LOXHD1: variants seen among roughly 807,000 people sequenced by gnomAD.
LOXHD1 encodes the protein lipoxygenase homology domain-containing protein 1.
Under a neutral mutation model 248.2 loss-of-function variants are expected in LOXHD1, and 205 were observed. The ratio of observed to expected loss-of-function variants is 0.83; its 90% CI spans 0.74 to 0.93. LOXHD1 has a LOEUF of 0.93. Ranked by LOEUF, LOXHD1 falls within the 40% of genes least tolerant of loss-of-function variation. The probability of loss-of-function intolerance (pLI) is 0.00; values close to 1 mark genes in which losing one functional copy is unlikely to be tolerated. For missense variants in LOXHD1, 2,930 were observed against 2,971.6 expected, an observed-to-expected ratio of 0.99 and a Z score of 0.33; for synonymous variants, 1,113 against 1,162.8, an observed-to-expected ratio of 0.96 and a Z score of 0.87.
At chr18:46,586,487 C>T (rs1225930117) in intron 12 of LOXHD1, among the ~76,000 whole-genome samples, 2 of 151,988 alleles carry the variant, frequency 1.3e-5, no homozygotes, top group East Asian at 1.9e-4. Context: ...TTCTTGTTGC[C>T]CAGGCTGGAG....
intron 29 of LOXHD1, among the ~76,000 whole-genome samples, chr18:46,525,274 C>T (rs981643406): frequency 3.0e-4 from 46 of 152,176 alleles, no homozygotes; most frequent in African/African-American, 1.1e-3. Flanking sequence ...TGGTCCTGTT[C>T]CCAGACTCCT....
At chr18:46,491,809 A>G (rs111943398) in intron 37 of LOXHD1, among the ~76,000 whole-genome samples, 8,622 of 152,282 alleles carry the variant, frequency 0.057, 356 homozygotes, top group Non-Finnish European at 0.083. Context: ...CATATAATTC[A>G]TTGCCCCCAC....
At chr18:46,569,334 G>T in intron 16 of LOXHD1, 108 bp downstream of exon 16, 1 of 929,426 alleles carries the variant, frequency 1.1e-6, no homozygotes, top group Non-Finnish European at 1.7e-6. Flanking sequence ...ATGTACATGA[G>T]TGTGTGCGTG....
intron 34 of LOXHD1, among the ~76,000 whole-genome samples, chr18:46,513,491 T>C (rs2035084045): frequency 1.3e-5 from 2 of 151,718 alleles, no homozygotes; most frequent in East Asian, 1.9e-4. Context: ...AGAGTCCTTA[T>C]AAGAAGGCAG....
In LOXHD1 at chr18:46,507,461, C is replaced by T. The variant is rs991193574; in HGVS notation, c.5692+77G>A. 28 of 1,514,446 alleles carry T rather than the reference C, an allele frequency of 1.8e-5. No homozygotes were observed. The Admixed American group carries it at 3.0e-4, about 16-fold the overall frequency. The allele number at this position is 1,514,446 out of a possible 1,614,324, so 93.8% of individuals were successfully genotyped here. A position where few individuals can be genotyped will look rare whatever the true frequency, so the allele number is the denominator to read the frequency against. Reference sequence around the variant, plus strand: ...GCCTTATGAAGAAAAATGCCCTGACCAGAAACAAGGGCCTGAGCCCGAATT... The same window carrying T: ...GCCTTATGAAGAAAAATGCCCTGACTAGAAACAAGGGCCTGAGCCCGAATT... On this transcript the variant is annotated intron_variant, in intron 36 of 40. Coordinates refer to ENST00000642948, the MANE Select transcript of LOXHD1 (RefSeq NM_001384474.1).
chr18:46,617,778 C>T (rs987994489), intron 5 of LOXHD1, among the ~76,000 whole-genome samples: 10 of 152,144 alleles, frequency 6.6e-5, no homozygotes, highest in Non-Finnish European at 1.2e-4. Flanking sequence ...GTATTCCCAG[C>T]CTCATTCTGT....
rs1186211019 is a variant in LOXHD1 at position 46,563,119 on chromosome 18, G to A, written c.2544C>T (p.Leu848=). 4 of 1,546,794 alleles carry A rather than the reference G, an allele frequency of 2.6e-6. No individual in the cohort carries two copies. The Admixed American group carries it at 5.9e-5, about 23-fold the overall frequency. ...AAACTTTTGAGCGGCTGGAGAGGAA[G>A]AGCACTTCTGTCTTGCCTTTCTCTC... ...IYGEKGKTEV[L]FLSSRSKVFE... Residue 848 remains leucine, a synonymous_variant, in exon 18 of 41, where the codon CTC becomes CTT. Transcript: ENST00000642948.
chr18:46,532,875 C>T (rs1568148061), intron 28 of LOXHD1, among the ~76,000 whole-genome samples: 2 of 152,182 alleles, frequency 1.3e-5, no homozygotes, highest in South Asian at 2.1e-4. Context: ...ACAGGATTCC[C>T]GTTATCTGGA....
chr18:46,563,339 A>G (rs2079730220), intron 17 of LOXHD1, 114 bp from the exon 18 acceptor site: 4 of 1,062,056 alleles, frequency 3.8e-6, no homozygotes, highest in Middle Eastern at 2.4e-4. Context: ...CTTTACAGTC[A>G]TTCACTTATC....
chr18:46,648,667 C>T (rs548863824), intron 2 of LOXHD1, among the ~76,000 whole-genome samples: 1 of 152,188 alleles, frequency 6.6e-6, no homozygotes, highest in Non-Finnish European at 1.5e-5. Context: ...GGCATACACA[C>T]GCACAAGCAC....
chr18:46,606,854 A>G (rs2038421899), intron 6 of LOXHD1, among the ~76,000 whole-genome samples: 1 of 152,152 alleles, frequency 6.6e-6, no homozygotes, highest in Admixed American at 6.5e-5. Context: ...GATCTAAAAC[A>G]CTTATTTCCA....
chr18:46,624,513 C>A (rs769035872), intron 4 of LOXHD1, among the ~76,000 whole-genome samples: 3 of 152,188 alleles, frequency 2.0e-5, no homozygotes, highest in Non-Finnish European at 2.9e-5. Flanking sequence ...CCCTCCCAGT[C>A]ATGTAGACTC....
Position 46,538,229 on chromosome 18 carries a change from T to G in LOXHD1, c.4022A>C (p.Lys1341Thr). Residue 1341 changes from lysine (K) to threonine (T), a missense_variant, in exon 26 of 41, where the codon AAG becomes ACG. By Grantham distance (78) the Lys-to-Thr change is moderately conservative. Transcript: ENST00000642948. ...YGCDAVCTQQ[K>T]YLCTNKREQK... ...TTCCCTCTTGTTGGTACACAGATAC[T>G]TCTGCTGGGTGCACACGGCATCGCA... is the stretch of plus-strand genomic sequence containing the variant. 1.9e-6 allele frequency: 3 copies of G among 1,550,400 alleles called. No homozygotes were observed. The South Asian group carries it at 3.6e-5, about 18-fold the overall frequency.
Position 46,534,189 on chromosome 18 carries a change from C to T in LOXHD1, c.4212+146G>A, listed in dbSNP as rs952498535. On this transcript the variant is annotated intron_variant, in intron 27 of 40. Coordinates refer to ENST00000642948, the MANE Select transcript of LOXHD1 (RefSeq NM_001384474.1). Reference sequence around the variant, plus strand: ...CTTGGGACCAGAGCTTGTTTCTGCACTCTGAGTGAACTGGGTGAATTTTCA... The same window carrying T: ...CTTGGGACCAGAGCTTGTTTCTGCATTCTGAGTGAACTGGGTGAATTTTCA... 6.7e-6 allele frequency: 4 copies of T among 598,076 alleles called. No individual in the cohort carries two copies. In the African/African-American group the frequency reaches 7.5e-5, roughly 11 times the overall value. 37.0% of individuals were successfully genotyped at this position (598,076 alleles called of 1,614,324 possible). A position where few individuals can be genotyped will look rare whatever the true frequency, so the allele number is the denominator to read the frequency against.
At chr18:46,519,349 A>G (rs143179347) in intron 33 of LOXHD1, among the ~76,000 whole-genome samples, 8 of 152,252 alleles carry the variant, frequency 5.3e-5, no homozygotes, top group African/African-American at 1.9e-4. Context: ...AGAAGCCTGG[A>G]CCTCCAAACC....
chr18:46,502,059 G>C (rs2034264928), intron 37 of LOXHD1, among the ~76,000 whole-genome samples: 1 of 152,176 alleles, frequency 6.6e-6, no homozygotes, highest in Non-Finnish European at 1.5e-5. Context: ...CTAGAAATTT[G>C]CTAGAGAGAA....
chr18:46,559,199 C>T (rs887194021), intron 20 of LOXHD1: 1 of 1,468,316 alleles, frequency 6.8e-7, no homozygotes, highest in Non-Finnish European at 9.1e-7. Context: ...CACTCAACGC[C>T]ATTCTCTGTT....
chr18:46,507,738 A>G (rs2034672423), intron 35 of LOXHD1, 26 bp from the exon 36 acceptor site: 1 of 1,541,236 alleles, frequency 6.5e-7, no homozygotes, highest in Admixed American at 2.0e-5. Flanking sequence ...CCACCGTGGG[A>G]ATGCCCTGTC....
chr18:46,581,281 G>A (rs1426964400), intron 12 of LOXHD1, among the ~76,000 whole-genome samples: 1 of 152,190 alleles, frequency 6.6e-6, no homozygotes, highest in African/African-American at 2.4e-5. Context: ...AAAATGTACT[G>A]TTTTGGACAA....
Sources: allele counts gnomAD v4.1 joint callset (sites outside exome capture counted in the v4.1 genomes callset), GRCh38; gene constraint gnomAD v4.1.1; transcripts MANE v1.5; gene names NCBI Gene and HGNC (gene_info 2026-07-23, HGNC 2026-07-21).